SEMA5B: variants seen among roughly 807,000 people sequenced by gnomAD.
The protein encoded by SEMA5B is semaphorin-5B.
In SEMA5B, 66 loss-of-function variants were observed where a neutral mutation model predicts 135.0. The ratio of observed to expected loss-of-function variants is 0.49; its 90% CI spans 0.40 to 0.60. The LOEUF (loss-of-function observed/expected upper bound fraction) is 0.60. Among genes scored for constraint, SEMA5B ranks in the 20% least tolerant of loss-of-function variants. The probability of loss-of-function intolerance (pLI) is 0.00; values close to 1 mark genes in which losing one functional copy is unlikely to be tolerated. For missense variants in SEMA5B, 1,501 were observed against 1,566.3 expected (o/e 0.96, Z 0.70); for synonymous variants, 690 against 639.5 (o/e 1.08, Z -1.19).
chr3:122,955,622 G>A (rs1940258831), intron 2 of SEMA5B, among the ~76,000 whole-genome samples: 1 of 152,134 alleles, frequency 6.6e-6, no homozygotes, highest in African/African-American at 2.4e-5. Flanking sequence ...CAATTATCCC[G>A]AGGGTTGTAT....
chr3:122,939,556 G>T lies in SEMA5B; in HGVS notation c.429-86C>A, dbSNP rs1939459707. 5 of 992,876 alleles carry T rather than the reference G, an allele frequency of 5.0e-6. No homozygotes were observed. In the Admixed American group the frequency reaches 6.9e-5, roughly 14 times the overall value. 61.5% of individuals were successfully genotyped at this position (992,876 alleles called of 1,614,324 possible). On this transcript the variant is annotated intron_variant, in intron 4 of 22. Coordinates refer to ENST00000357599, the MANE Select transcript of SEMA5B (RefSeq NM_001031702.4). ...CAGCCTCCTGGCTTGGGCCTCCTGG[G>T]ACGCCAGGACTGGGTGCTGATTGCC...
chr3:123,007,139 C>T (rs1942334998), intron 1 of SEMA5B, among the ~76,000 whole-genome samples: 2 of 152,158 alleles, frequency 1.3e-5, no homozygotes, highest in African/African-American at 4.8e-5. Context: ...CATCCCCTGA[C>T]CTCCCAACAC....
chr3:123,020,738 TC>T (rs1942656220), intron 1 of SEMA5B, among the ~76,000 whole-genome samples: 1 of 152,038 alleles, frequency 6.6e-6, no homozygotes, highest in Admixed American at 6.6e-5. Context: ...TTAATTAAGG[TC>T]TAGGATAGGG....
intron 2 of SEMA5B, among the ~76,000 whole-genome samples, chr3:122,956,669 T>A (rs1273787508): frequency 6.6e-6 from 1 of 151,606 alleles, no homozygotes; most frequent in Non-Finnish European, 1.5e-5. Context: ...AACCGAACCC[T>A]CCCCCGTTTT....
intron 2 of SEMA5B, among the ~76,000 whole-genome samples, chr3:122,956,692 C>T (rs1400186233): frequency 6.6e-6 from 1 of 152,188 alleles, no homozygotes; most frequent in South Asian, 2.1e-4. Context: ...GACAGGGGAT[C>T]GCCCAGACCA....
At chr3:122,916,124 A>T (rs1360185871) in intron 12 of SEMA5B, among the ~76,000 whole-genome samples, 1 of 152,150 alleles carries the variant, frequency 6.6e-6, no homozygotes, top group Non-Finnish European at 1.5e-5. Context: ...TATTATTCCC[A>T]TGTTATCTGG....
chr3:122,988,128 G>A (rs1051353874), intron 1 of SEMA5B, among the ~76,000 whole-genome samples: 1 of 152,246 alleles, frequency 6.6e-6, no homozygotes, highest in Admixed American at 6.5e-5. Context: ...TCTGGGGTGA[G>A]ACTCGAGAAT....
chr3:122,915,936 C>T (rs1233032335), intron 12 of SEMA5B, 46 bp from the exon 13 acceptor site: 12 of 1,452,928 alleles, frequency 8.3e-6, no homozygotes, highest in South Asian at 1.1e-5. Context: ...GCTTCCCAGC[C>T]TCACCTGCAT....
At chr3:123,022,100 G>T (rs1182131410) in intron 1 of SEMA5B, among the ~76,000 whole-genome samples, 1 of 152,176 alleles carries the variant, frequency 6.6e-6, no homozygotes, top group African/African-American at 2.4e-5. Flanking sequence ...GGGCCAGAAA[G>T]GGCTTTAAGA....
chr3:122,945,869 G>A (rs1460571211), intron 3 of SEMA5B, among the ~76,000 whole-genome samples: 2 of 150,860 alleles, frequency 1.3e-5, no homozygotes, highest in East Asian at 3.9e-4. Flanking sequence ...GCCTCTTCCA[G>A]TTTCCGTCCC....
At chr3:122,994,001 C>A (rs182555030) in intron 1 of SEMA5B, among the ~76,000 whole-genome samples, 2 of 152,064 alleles carry the variant, frequency 1.3e-5, no homozygotes, top group Non-Finnish European at 2.9e-5. Flanking sequence ...AGAAGCCTCT[C>A]CCCACCTGGC....
At chr3:122,980,297 C>T (rs1458326795) in intron 1 of SEMA5B, among the ~76,000 whole-genome samples, 1 of 151,990 alleles carries the variant, frequency 6.6e-6, no homozygotes, top group East Asian at 1.9e-4. Flanking sequence ...CCTGTCTCTA[C>T]TAAAAATACA....
intron 1 of SEMA5B, among the ~76,000 whole-genome samples, chr3:123,022,030 C>A (rs1019336590): frequency 6.6e-6 from 1 of 152,006 alleles, no homozygotes; most frequent in Non-Finnish European, 1.5e-5. Flanking sequence ...GAAAAGTCAA[C>A]GAGCCACTCC....
At chr3:122,976,225 T>G in intron 1 of SEMA5B, 1 of 1,408,450 alleles carries the variant, frequency 7.1e-7, no homozygotes, top group Non-Finnish European at 9.4e-7. Flanking sequence ...CATCTGCACC[T>G]CCTGGGAACT....
intron 4 of SEMA5B, among the ~76,000 whole-genome samples, chr3:122,943,134 C>T (rs779299922): frequency 1.3e-5 from 2 of 152,288 alleles, no homozygotes; most frequent in Non-Finnish European, 2.9e-5. Context: ...TTCTGACAGC[C>T]GGGCAGGGAC....
chr3:122,952,736 G>A lies in SEMA5B; in HGVS notation c.125-4027C>T, dbSNP rs140417698. Among the ~76,000 whole-genome samples, 443 of 152,262 alleles carry A rather than the reference G, an allele frequency of 2.9e-3. 1 individual carries two copies. The highest frequency in any genetic ancestry group is 8.5e-3 in the African/African-American group (353 of 41,546). ...CTGGCTCTCCTCCTCCCTGCTCTGC[G>A]CCAGCAGGGAGGTGGATGGATGTGG... On this transcript the variant is annotated intron_variant, in intron 2 of 22. Coordinates refer to ENST00000357599, the MANE Select transcript of SEMA5B (RefSeq NM_001031702.4).
rs766614783 is a variant in SEMA5B, at chr3:122,926,490, G to A, written c.1038C>T (p.Cys346=). 4.3e-6 allele frequency: 7 copies of A among 1,614,250 alleles called. No individual in the cohort carries two copies. The Admixed American group carries it at 1.0e-4, about 23-fold the overall frequency. ...AGAAGGGGACCTCGCCCGGGCGGGA[G>A]CAGTTGAGCCGGGCCTTCATGAATG... ...WTTFMKARLN[C]SRPGEVPFYY... is the part of the protein sequence containing the mutation. The change falls in exon 9 of 23, where the codon TGC becomes TGT. Residue 346 remains cysteine (C), a synonymous_variant. Coordinates refer to ENST00000357599, the MANE Select transcript of SEMA5B (RefSeq NM_001031702.4).
chr3:123,020,870 C>G lies in SEMA5B; in HGVS notation c.-39+6594G>C, dbSNP rs376740211. 2.0e-5 allele frequency among the ~76,000 whole-genome samples: 3 copies of G among 152,346 alleles called. No individual in the cohort carries two copies. In the East Asian group the frequency reaches 5.8e-4, roughly 29 times the overall value. On this transcript the variant is annotated intron_variant, in intron 1 of 22. Coordinates refer to ENST00000357599, the MANE Select transcript of SEMA5B (RefSeq NM_001031702.4). ...ACAGAGGTAGACTTGAGGCTGTTCA[C>G]CCCACTTCACAGCCCTCTTCTCTCT...
At chr3:122,936,518 C>T (rs1251191847) in intron 5 of SEMA5B, among the ~76,000 whole-genome samples, 3 of 152,178 alleles carry the variant, frequency 2.0e-5, no homozygotes, top group Admixed American at 6.5e-5. Flanking sequence ...CAGAACAGTC[C>T]TCGTTTCTGC....
Sources: gnomAD v4.1 joint callset for allele counts (sites outside exome capture counted in the v4.1 genomes callset) on GRCh38, gnomAD v4.1.1 for gene constraint, MANE v1.5 for transcripts, NCBI Gene and HGNC (gene_info 2026-07-23, HGNC 2026-07-21) for gene names.